Variants in LMNTD1 observed in about 807,000 individuals in gnomAD.
LMNTD1 encodes the protein lamin tail domain-containing protein 1.
LMNTD1 carries 35 observed loss-of-function variants against 50.9 expected under a neutral mutation model. The ratio of observed to expected loss-of-function variants is 0.69; its 90% confidence interval spans 0.53 to 0.91. The LOEUF (loss-of-function observed/expected upper bound fraction) is 0.91, where lower values mean the gene tolerates loss of function less well. Ranked by LOEUF, LMNTD1 falls within the 40% of genes least tolerant of loss-of-function variation. LMNTD1 has a pLI of 0.00. For missense variants in LMNTD1, 470 were observed against 475.5 expected (o/e 0.99, Z 0.11); for synonymous variants, 153 against 161.9 (o/e 0.94, Z 0.42).
rs1027221837 is a variant in LMNTD1, at chr12:25,648,543, C to A, written c.9G>T (p.Gln3His). Residue 3 changes from glutamine (Q) to histidine (H), a missense_variant, in exon 1 of 8, where the codon CAG becomes CAT. Transcript: ENST00000445693. ...CACCGATGTCTCCTGCTCTCACTGGCTGTTGCATGTAGTGTCCTTAAGCTT... is the reference window on the plus strand; with the variant it reads ...CACCGATGTCTCCTGCTCTCACTGGATGTTGCATGTAGTGTCCTTAAGCTT... The A allele has an allele frequency of 4.7e-5, 73 of 1,551,516 alleles. No homozygotes were observed. The Admixed American group carries it at 1.4e-3, about 30-fold the overall frequency.
chr12:25,498,084 T>A (rs992528549), intron 9 of LMNTD1, among the ~76,000 whole-genome samples: 1 of 152,150 alleles, frequency 6.6e-6, no homozygotes, highest in Non-Finnish European at 1.5e-5. Flanking sequence ...CTACAAGGAA[T>A]AGGCAGGATA....
At chr12:25,560,994 T>C (rs1944283779) in intron 1 of LMNTD1, among the ~76,000 whole-genome samples, 1 of 152,222 alleles carries the variant, frequency 6.6e-6, no homozygotes, top group Admixed American at 6.5e-5. Context: ...ACAATTTGAC[T>C]TTCTCTTTTC....
At chr12:25,617,776 T>TGC (rs1946379968) in intron 1 of LMNTD1, among the ~76,000 whole-genome samples, 1 of 152,162 alleles carries the variant, frequency 6.6e-6, no homozygotes, top group Non-Finnish European at 1.5e-5. Context: ...CACAGGTAAA[T>TGC]AATATTAATC....
intron 8 of LMNTD1, among the ~76,000 whole-genome samples, chr12:25,505,750 A>G (rs1939721418): frequency 6.6e-6 from 1 of 152,156 alleles, no homozygotes; most frequent in African/African-American, 2.4e-5. Context: ...GTGGTCCAAT[A>G]CAGTAATGAG....
intron 9 of LMNTD1, among the ~76,000 whole-genome samples, chr12:25,477,946 G>A (rs540783291): frequency 2.0e-5 from 3 of 152,072 alleles, no homozygotes; most frequent in Non-Finnish European, 4.4e-5. Flanking sequence ...CTTGGAGTCC[G>A]ATATTTGAGG....
intron 1 of LMNTD1, among the ~76,000 whole-genome samples, chr12:25,616,600 A>G (rs886230064): frequency 6.6e-6 from 1 of 152,198 alleles, no homozygotes; most frequent in Non-Finnish European, 1.5e-5. Flanking sequence ...CCAGATCAAT[A>G]TCTATAACCT....
intron 8 of LMNTD1, among the ~76,000 whole-genome samples, chr12:25,508,898 A>C (rs1313955331): frequency 7.0e-6 from 1 of 143,744 alleles, no homozygotes; most frequent in Non-Finnish European, 1.5e-5. Context: ...TAATATTCTA[A>C]GGTTCTCTTG....
chr12:25,619,217 ACTCTCTCTCTCTCTCT>A lies in LMNTD1; in HGVS notation c.58+29261_58+29276del, dbSNP rs143233739. On this transcript the variant is annotated intron_variant, in intron 1 of 7. Coordinates refer to the LMNTD1 transcript ENST00000445693. ...CTGGGTAAGGGATACATGCTTTTCA[ACTCTCTCTCTCTCTCT>A]CTCTCTCTCTCTCTCTCTCTATATA... is the stretch of plus-strand genomic sequence containing the variant. Among the ~76,000 whole-genome samples the A allele has an allele frequency of 7.2e-3, 871 of 120,154 alleles. 1 individual carries two copies. Among genetic ancestry groups the A allele is most frequent in the East Asian group, 0.018 (74 of 4,014 alleles). 78.8% of individuals were successfully genotyped at this position (120,154 alleles called of 152,430 possible).
intron 1 of LMNTD1, among the ~76,000 whole-genome samples, chr12:25,564,496 A>T (rs142775246): frequency 1.8e-4 from 28 of 152,274 alleles, no homozygotes; most frequent in Admixed American, 2.6e-4. Flanking sequence ...TGACCTCGTG[A>T]TCCACCTACC....
At chr12:25,534,130 G>A (rs907000588) in intron 4 of LMNTD1, among the ~76,000 whole-genome samples, 1 of 152,062 alleles carries the variant, frequency 6.6e-6, no homozygotes, top group African/African-American at 2.4e-5. Context: ...TTTGTTTCCT[G>A]TTTGCCTACA....
At chr12:25,643,027 T>G (rs140370552) in intron 1 of LMNTD1, among the ~76,000 whole-genome samples, 1 of 152,296 alleles carries the variant, frequency 6.6e-6, no homozygotes, top group East Asian at 1.9e-4. Context: ...GCTCTGAAAA[T>G]ATAGCACAAG....
intron 1 of LMNTD1, among the ~76,000 whole-genome samples, chr12:25,597,150 C>A (rs1164029472): frequency 6.6e-6 from 1 of 151,750 alleles, no homozygotes; most frequent in East Asian, 1.9e-4. Flanking sequence ...AACAAAAAGA[C>A]CACAAAAAAA....
intron 1 of LMNTD1, chr12:25,582,318 G>A (rs1026698686): frequency 6.6e-5 from 10 of 152,186 alleles, no homozygotes; most frequent in Non-Finnish European, 1.5e-4. Context: ...ATTATGCAAA[G>A]CTCACTTCCA....
At chr12:25,566,104 A>G (rs575448434) in intron 1 of LMNTD1, among the ~76,000 whole-genome samples, 1 of 152,156 alleles carries the variant, frequency 6.6e-6, no homozygotes, top group East Asian at 1.9e-4. Context: ...GGTGTTCTAT[A>G]AGCTTCTTAT....
chr12:25,520,710 A>G (rs893680436), intron 6 of LMNTD1, among the ~76,000 whole-genome samples: 1 of 152,134 alleles, frequency 6.6e-6, no homozygotes, highest in Non-Finnish European at 1.5e-5. Context: ...TTTTTTGGGT[A>G]TGTACCCAGA....
intron 1 of LMNTD1, among the ~76,000 whole-genome samples, chr12:25,637,949 C>T (rs1946871536): frequency 6.6e-6 from 1 of 151,894 alleles, no homozygotes; most frequent in Non-Finnish European, 1.5e-5. Context: ...TGCAAAAATG[C>T]TCAACAAAAT....
intron 1 of LMNTD1, among the ~76,000 whole-genome samples, chr12:25,574,392 GACA>G (rs1204969775): frequency 6.6e-6 from 1 of 152,048 alleles, no homozygotes; most frequent in Non-Finnish European, 1.5e-5. Context: ...TCTCACAGAT[GACA>G]ACATTTTTCC....
rs1050386575 is a variant in LMNTD1 at position 25,476,474 on chromosome 12, A to G, written c.*23-14T>C. On this transcript the variant is annotated splice_polypyrimidine_tract_variant and intron_variant, in intron 9 of 9. Coordinates refer to ENST00000458174, the MANE Select transcript of LMNTD1 (RefSeq NM_001145728.2). ...TGGACTAGATTACTAGTAATTATAC[A>G]AAATGAGAGTGATCTGTTATTGAGC... is the stretch of plus-strand genomic sequence containing the variant. 3.3e-5 allele frequency: 5 copies of G among 152,218 alleles called. No homozygotes were observed. Among genetic ancestry groups the G allele is most frequent in the Non-Finnish European group, 7.3e-5 (5 of 68,036 alleles). 9.4% of individuals were successfully genotyped at this position (152,218 alleles called of 1,614,324 possible). A position where few individuals can be genotyped will look rare whatever the true frequency, so the allele number is the denominator to read the frequency against.
chr12:25,619,248 CTCTCTATATATATATA>C (rs1565522536), intron 1 of LMNTD1, among the ~76,000 whole-genome samples: 1 of 78,528 alleles, frequency 1.3e-5, no homozygotes, highest in Non-Finnish European at 2.5e-5. Flanking sequence ...CTCTCTCTCT[CTCTCTATATATATATA>C]TATATATATA....
Sources: allele counts gnomAD v4.1 joint callset (sites outside exome capture counted in the v4.1 genomes callset), GRCh38; gene constraint gnomAD v4.1.1; transcripts MANE v1.5; gene names NCBI Gene and HGNC (gene_info 2026-07-23, HGNC 2026-07-21).